Variants in SNUPN observed in about 807,000 individuals in gnomAD.
SNUPN encodes the protein snurportin-1.
Under a neutral mutation model 39.2 loss-of-function variants are expected in SNUPN, and 31 were observed. The ratio of observed to expected loss-of-function variants is 0.79; its 90% CI spans 0.59 to 1.07. The LOEUF is 1.07. Among genes scored for constraint, SNUPN ranks in the 50% least tolerant of loss-of-function variants. The pLI, the probability that SNUPN is intolerant of heterozygous loss-of-function variation, is 0.00. For missense variants in SNUPN, 382 were observed against 434.2 expected (o/e 0.88, Z 1.07); for synonymous variants, 132 against 159.0 (o/e 0.83, Z 1.28).
chr15:75,616,316 G>A (rs2141374696), intron 3 of SNUPN, among the ~76,000 whole-genome samples: 1 of 151,962 alleles, frequency 6.6e-6, no homozygotes, highest in East Asian at 1.9e-4. Context: ...AACTTAGCCG[G>A]GTGTGGTGGC....
chr15:75,622,495 A>G, intron 1 of SNUPN: 7 of 985,232 alleles, frequency 7.1e-6, no homozygotes, highest in Non-Finnish European at 8.4e-6. Flanking sequence ...TGGACCCTAA[A>G]GAATGGGAGT....
intron 8 of SNUPN, chr15:75,600,510 A>G: frequency 6.6e-6 from 1 of 152,274 alleles, no homozygotes; most frequent in Non-Finnish European, 1.5e-5. Context: ...CCTGACCTCA[A>G]GTGATCCACC....
At position 75,617,265 on chromosome 15, in the gene SNUPN, T is replaced by G. The variant is rs1383677348; in HGVS notation, c.303+143A>C. On this transcript the variant is annotated intron_variant, in intron 3 of 8. Coordinates refer to ENST00000308588, the MANE Select transcript of SNUPN (RefSeq NM_005701.4). Reference sequence around the variant, plus strand: ...TACTTATCATCCCATATGATCTACGTACACTGGCATGTTCTTTGCAGTTCC... The same window carrying G: ...TACTTATCATCCCATATGATCTACGGACACTGGCATGTTCTTTGCAGTTCC... 3.6e-6 allele frequency: 3 copies of G among 823,506 alleles called. No homozygotes were observed. In the African/African-American group the frequency reaches 5.1e-5, roughly 14 times the overall value. 51.0% of individuals were successfully genotyped at this position (823,506 alleles called of 1,614,324 possible).
At position 75,598,454 on chromosome 15, in the gene SNUPN, A is replaced by G; in HGVS notation, c.987T>C (p.Ser329=). 1 of 1,614,184 alleles carries G rather than the reference A, an allele frequency of 6.2e-7. No individual in the cohort carries two copies. Among genetic ancestry groups the G allele is most frequent in the Non-Finnish European group, 8.5e-7 (1 of 1,180,036 alleles). ...GMKEKLTHKA[S]ENGHYELEHL... is the part of the protein sequence containing the mutation. ...GCTCCAATTCATAGTGCCCATTCTC[A>G]GAGGCCTTGTGTGTGAGTTTCTCCT... Residue 329 remains serine, a synonymous_variant, in exon 9 of 9, where the codon TCT becomes TCC. Transcript: ENST00000308588.
chr15:75,609,343 C>A (rs1567553713), intron 5 of SNUPN, among the ~76,000 whole-genome samples: 1 of 151,816 alleles, frequency 6.6e-6, no homozygotes, highest in Non-Finnish European at 1.5e-5. Context: ...GTGCCCACCA[C>A]CGCACCCGGC....
chr15:75,598,652 C>A lies in SNUPN; in HGVS notation c.789G>T (p.Gln263His). Residue 263 changes from glutamine to histidine, a missense_variant, in exon 9 of 9, where the codon CAG becomes CAT. Coordinates refer to ENST00000308588, the MANE Select transcript of SNUPN (RefSeq NM_005701.4). ...GAGTGCTTCCGGGGCTGTAGTGGGT[C>A]TGTTTGTGGTAGAAGAGAAGTCCAT... is the stretch of plus-strand genomic sequence containing the variant. ...EVDGLLFYHKQTHYSPGSTPL... is the reference protein window; with the variant it reads ...EVDGLLFYHKHTHYSPGSTPL... The A allele has an allele frequency of 6.2e-7, 1 of 1,608,456 alleles. No individual in the cohort carries two copies. The highest frequency in any genetic ancestry group is 1.1e-5 in the South Asian group (1 of 90,994).
At chr15:75,622,340 A>C in intron 1 of SNUPN, 1 of 985,450 alleles carries the variant, frequency 1.0e-6, no homozygotes, top group Non-Finnish European at 1.2e-6. Context: ...TGTGGGACTC[A>C]CTTGGAAAAG....
intron 1 of SNUPN, chr15:75,622,478 CTTTA>C (rs1893096930): frequency 1.0e-6 from 1 of 985,226 alleles, no homozygotes; most frequent in African/African-American, 1.7e-5. Context: ...AGACTTCCCA[CTTTA>C]GGTGGACCCT....
intron 2 of SNUPN, among the ~76,000 whole-genome samples, chr15:75,618,867 C>T (rs1892999509): frequency 6.6e-6 from 1 of 151,994 alleles, no homozygotes; most frequent in Non-Finnish European, 1.5e-5. Flanking sequence ...TCAGGAGGGA[C>T]TGGCTTGATG....
chr15:75,618,614 C>T (rs1377140985), intron 2 of SNUPN, among the ~76,000 whole-genome samples: 1 of 152,168 alleles, frequency 6.6e-6, no homozygotes, highest in African/African-American at 2.4e-5. Flanking sequence ...TTCTTCAATG[C>T]TAAGGCAGGA....
intron 2 of SNUPN, among the ~76,000 whole-genome samples, chr15:75,619,022 TA>T (rs35749195): frequency 0.03 from 2,246 of 74,344 alleles, 57 homozygotes; most frequent in Middle Eastern, 0.047. Context: ...CTACTTGTGT[TA>T]AAAAAAAAAA....
intron 1 of SNUPN, chr15:75,624,779 G>GTTT (rs772102949): frequency 6.0e-6 from 7 of 1,158,744 alleles, no homozygotes; most frequent in Non-Finnish European, 7.8e-6. Context: ...TGTTGTTGTT[G>GTTT]TTTTTTTTTT....
rs1892727957 is a variant in SNUPN at position 75,609,609 on chromosome 15, T to C, written c.451A>G (p.Arg151Gly). 1 of 1,613,892 alleles carries C rather than the reference T, an allele frequency of 6.2e-7. No individual in the cohort carries two copies. The highest frequency in any genetic ancestry group is 8.5e-7 in the Non-Finnish European group (1 of 1,179,910). ...CCTCCTGGCAGAAGTGAAGAAAACC[T>C]GTTGACACAGTAGCCACTCTTGGTG... ...AYTKSGYCVNRFSSLLPGGNR... is the reference protein window; with the variant it reads ...AYTKSGYCVNGFSSLLPGGNR... Residue 151 changes from arginine to glycine, a missense_variant, in exon 5 of 9, where the codon AGG (arginine) becomes GGG (glycine). By Grantham distance (125) the Arg-to-Gly change is moderately radical. Coordinates refer to ENST00000308588, the MANE Select transcript of SNUPN (RefSeq NM_005701.4).
chr15:75,621,077 A>G (rs1387683854), intron 1 of SNUPN, 21 bp from the exon 2 acceptor site: 5 of 1,612,980 alleles, frequency 3.1e-6, no homozygotes, highest in African/African-American at 1.3e-5. Flanking sequence ...AAACGTAAGA[A>G]AATGGTTCAT....
intron 8 of SNUPN, among the ~76,000 whole-genome samples, chr15:75,600,082 G>T (rs1359412240): frequency 2.0e-5 from 3 of 151,994 alleles, no homozygotes; most frequent in African/African-American, 7.3e-5. Context: ...CTGACCTCAG[G>T]TGATCCAACT....
chr15:75,606,257 T>C (rs542860693), intron 6 of SNUPN, among the ~76,000 whole-genome samples: 1 of 152,336 alleles, frequency 6.6e-6, no homozygotes, highest in Non-Finnish European at 1.5e-5. Context: ...TTGTTATTGT[T>C]TGAATGAGAT....
chr15:75,622,555 T>A (rs2141380421), intron 1 of SNUPN: 1 of 901,418 alleles, frequency 1.1e-6, no homozygotes, highest in Admixed American at 6.2e-5. Flanking sequence ...GAGCCTTAGA[T>A]TATAAGAAAA....
chr15:75,618,691 A>T (rs1399747400), intron 2 of SNUPN, among the ~76,000 whole-genome samples: 3 of 152,192 alleles, frequency 2.0e-5, no homozygotes, highest in Non-Finnish European at 4.4e-5. Context: ...GTTCATGCTC[A>T]TTATAAAAAG....
chr15:75,607,363 T>G (rs2075339257), intron 5 of SNUPN, 50 bp from the exon 6 acceptor site: 6 of 1,283,306 alleles, frequency 4.7e-6, no homozygotes, highest in Non-Finnish European at 6.8e-6. Context: ...TCCAACCAGG[T>G]TCCCTCCACC....
Sources: allele counts gnomAD v4.1 joint callset (sites outside exome capture counted in the v4.1 genomes callset), GRCh38; gene constraint gnomAD v4.1.1; transcripts MANE v1.5; gene names NCBI Gene and HGNC (gene_info 2026-07-23, HGNC 2026-07-21).